The following MTRF1 variants were observed in gnomAD, a reference collection of about 807,000 sequenced individuals.
MTRF1 encodes peptide chain release factor 1, mitochondrial.
A neutral mutation model predicts 62.9 loss-of-function variants in MTRF1; 51 were observed. The observed-to-expected ratio is 0.81, with a 90% CI of 0.65 to 1.02. The LOEUF is 1.02. Among genes scored for constraint, MTRF1 ranks in the 50% least tolerant of loss-of-function variants. MTRF1 has a pLI of 0.00. For missense variants in MTRF1, 446 were observed against 530.0 expected (o/e 0.84, Z 1.56); for synonymous variants, 158 against 181.9 (o/e 0.87, Z 1.06).
At chr13:41,295,624 G>A in the MTRF1 span, among the ~76,000 whole-genome samples, 1 of 152,022 alleles carries the variant, frequency 6.6e-6, no homozygotes, top group Non-Finnish European at 1.5e-5. Context: ...TAGGATTTTG[G>A]TTACTTAGGA....
chr13:41,227,047 T>C (rs2034557968), intron 7 of MTRF1, among the ~76,000 whole-genome samples: 1 of 152,064 alleles, frequency 6.6e-6, no homozygotes, highest in Admixed American at 6.6e-5. Flanking sequence ...TCCGAGGATT[T>C]TGGGAAGGCA....
At chr13:41,305,308 T>C in the MTRF1 span, among the ~76,000 whole-genome samples, 1 of 152,206 alleles carries the variant, frequency 6.6e-6, no homozygotes, top group Non-Finnish European at 1.5e-5. Flanking sequence ...TCCTCCTGCC[T>C]TGGCCTCCCA....
At chr13:41,247,971 G>T (rs2038501573) in intron 5 of MTRF1, among the ~76,000 whole-genome samples, 1 of 152,114 alleles carries the variant, frequency 6.6e-6, no homozygotes, top group Non-Finnish European at 1.5e-5. Flanking sequence ...AATTAGTGTT[G>T]GCTTACAGAC....
the MTRF1 span, among the ~76,000 whole-genome samples, chr13:41,306,398 G>A: frequency 1 from 150,983 of 151,422 alleles, 75,275 homozygotes; most frequent in Middle Eastern, 1. Flanking sequence ...AAAAAAAAAG[G>A]AAAGAAAGAA....
chr13:41,257,850 G>T, intron 2 of MTRF1: 2 of 398,362 alleles, frequency 5.0e-6, no homozygotes, highest in Non-Finnish European at 1.0e-5. Context: ...TACCTCATAA[G>T]GTTACCTGAG....
chr13:41,255,420 G>A (rs1007587261), intron 2 of MTRF1, among the ~76,000 whole-genome samples: 9 of 152,116 alleles, frequency 5.9e-5, no homozygotes, highest in Admixed American at 3.9e-4. Context: ...GGCCAGGTGC[G>A]GTGACTAATG....
the MTRF1 span, among the ~76,000 whole-genome samples, chr13:41,308,722 T>C: frequency 6.6e-6 from 1 of 152,246 alleles, no homozygotes; most frequent in African/African-American, 2.4e-5. Flanking sequence ...TATTTTTTTC[T>C]TTCCATTTTT....
At chr13:41,277,341 A>C in the MTRF1 span, among the ~76,000 whole-genome samples, 21 of 152,136 alleles carry the variant, frequency 1.4e-4, no homozygotes, top group Non-Finnish European at 2.8e-4. Context: ...CATGTTGCCC[A>C]GACTGGTCTC....
intron 7 of MTRF1, among the ~76,000 whole-genome samples, chr13:41,231,996 T>C (rs2035667257): frequency 6.6e-6 from 1 of 151,582 alleles, no homozygotes; most frequent in South Asian, 2.1e-4. Flanking sequence ...CACCTGAGCC[T>C]GGGAAAGTCA....
chr13:41,260,056 C>A (rs551350359), intron 2 of MTRF1, among the ~76,000 whole-genome samples: 1 of 152,204 alleles, frequency 6.6e-6, no homozygotes, highest in Non-Finnish European at 1.5e-5. Flanking sequence ...GGAAGTACCA[C>A]GAGGAGCCTG....
At chr13:41,285,217 C>G in the MTRF1 span, among the ~76,000 whole-genome samples, 1 of 152,180 alleles carries the variant, frequency 6.6e-6, no homozygotes, top group East Asian at 1.9e-4. Flanking sequence ...AAGGACAACT[C>G]TGGTATGAGG....
At chr13:41,312,033 G>A in the MTRF1 span, among the ~76,000 whole-genome samples, 1 of 152,146 alleles carries the variant, frequency 6.6e-6, no homozygotes, top group African/African-American at 2.4e-5. Flanking sequence ...CAGCACACCC[G>A]CATACCTATT....
chr13:41,300,888 A>G, the MTRF1 span, among the ~76,000 whole-genome samples: 1 of 152,212 alleles, frequency 6.6e-6, no homozygotes, highest in Non-Finnish European at 1.5e-5. Context: ...ATGCCTTTAA[A>G]CAATTGCCTG....
At chr13:41,294,354 G>GTTGCA in the MTRF1 span, among the ~76,000 whole-genome samples, 1 of 149,856 alleles carries the variant, frequency 6.7e-6, no homozygotes, top group Non-Finnish European at 1.5e-5. Flanking sequence ...GGAGGCAGAG[G>GTTGCA]TTGCAGTAAG....
At chr13:41,229,472 CCT>C (rs2035106750) in intron 7 of MTRF1, 1 of 152,188 alleles carries the variant, frequency 6.6e-6, no homozygotes, top group Admixed American at 6.5e-5. Context: ...CTTTACCCAA[CCT>C]CTCTCTATCC....
the MTRF1 span, among the ~76,000 whole-genome samples, chr13:41,306,120 C>G: frequency 1.3e-5 from 2 of 152,080 alleles, no homozygotes; most frequent in Non-Finnish European, 2.9e-5. Context: ...CGGTGGCTCA[C>G]GCCTGTAATC....
chr13:41,286,088 C>CAACA, the MTRF1 span, among the ~76,000 whole-genome samples: 1 of 110,064 alleles, frequency 9.1e-6, no homozygotes, highest in African/African-American at 3.7e-5. Flanking sequence ...ACAACAACAA[C>CAACA]AAAAAAAAAA....
chr13:41,286,940 C>G, the MTRF1 span, among the ~76,000 whole-genome samples: 1 of 152,288 alleles, frequency 6.6e-6, no homozygotes, highest in African/African-American at 2.4e-5. Flanking sequence ...TCTGCTTTAC[C>G]TATCGGAAAA....
intron 5 of MTRF1, among the ~76,000 whole-genome samples, chr13:41,244,275 T>C (rs1317382121): frequency 6.6e-6 from 1 of 152,238 alleles, no homozygotes; most frequent in Non-Finnish European, 1.5e-5. Flanking sequence ...TACTGAAAAG[T>C]CTGAAGGAAA....
Sources: allele counts gnomAD v4.1 joint callset (sites outside exome capture counted in the v4.1 genomes callset), GRCh38; gene constraint gnomAD v4.1.1; transcripts MANE v1.5; gene names NCBI Gene and HGNC (gene_info 2026-07-23, HGNC 2026-07-21).